Variants in MUC6 observed in about 807,000 individuals in gnomAD.
MUC6 encodes the protein mucin-6.
MUC6 carries 188 observed loss-of-function variants against 201.5 expected under a neutral mutation model. The observed-to-expected ratio is 0.93, with a 90% CI of 0.83 to 1.05. The LOEUF is 1.05. MUC6 is among the 50% of genes least tolerant of loss of function. The pLI is 0.00. For missense variants in MUC6, 2,706 were observed against 3,256.9 expected, an observed-to-expected ratio of 0.83 and a Z score of 4.12; for synonymous variants, 1,228 against 1,389.4, an observed-to-expected ratio of 0.88 and a Z score of 2.58.
In MUC6 at chr11:1,018,777, G is replaced by T. The variant is rs745604846; in HGVS notation, c.4031-7C>A. The T allele has an allele frequency of 7.7e-6, 12 of 1,552,384 alleles. No individual in the cohort carries two copies. Among genetic ancestry groups the T allele is most frequent in the Non-Finnish European group, 9.5e-6 (11 of 1,153,974 alleles). On this transcript the variant is annotated splice_region_variant and splice_polypyrimidine_tract_variant and intron_variant, in intron 30 of 32. Coordinates refer to ENST00000421673, the MANE Select transcript of MUC6 (RefSeq NM_005961.3). ...TCCTGATTGGTCGATTTTGCTGTGG[G>T]AATTGGTGAAGTTGTCATCGTTATT...
chr11:1,032,275 C>T (rs1003069373), intron 2 of MUC6, among the ~76,000 whole-genome samples: 6 of 151,994 alleles, frequency 3.9e-5, no homozygotes, highest in Non-Finnish European at 7.4e-5. Context: ...TGTGGGTACA[C>T]GTATGTGTGT....
At chr11:1,032,859 T>C (rs1857141425) in intron 2 of MUC6, among the ~76,000 whole-genome samples, 154 bp downstream of exon 2, 1 of 151,822 alleles carries the variant, frequency 6.6e-6, no homozygotes, top group African/African-American at 2.4e-5. Context: ...GGTATGTGTG[T>C]GTGTTGGGTG....
chr11:1,033,437 C>T lies in MUC6; in HGVS notation c.53-362G>A, dbSNP rs1036617933. Among the ~76,000 whole-genome samples the T allele has an allele frequency of 2.0e-5, 3 of 152,038 alleles. No homozygotes were observed. The highest frequency in any genetic ancestry group is 2.1e-4 in the South Asian group (1 of 4,830). On this transcript the variant is annotated intron_variant, in intron 1 of 32. Transcript: ENST00000421673. The surrounding 1 kb of genome is among the most constrained non-coding windows in gnomAD (Gnocchi z 5.6). ...GCTGGTGCGGGTGGCAGGGGCTTGG[C>T]GGCGGAGCCAACAAAGTGGGCTGTG...
intron 24 of MUC6, 123 bp from the exon 25 acceptor site, chr11:1,024,226 G>A: frequency 8.5e-7 from 1 of 1,182,404 alleles, no homozygotes. Flanking sequence ...CTGGGACTGG[G>A]TGAGCGGCAC....
intron 29 of MUC6, 119 bp from the exon 30 acceptor site, chr11:1,019,615 C>A: frequency 1.1e-6 from 1 of 878,082 alleles, no homozygotes; most frequent in Non-Finnish European, 1.8e-6. Flanking sequence ...ACTCAGCCTC[C>A]TTGGAGGGGC....
chr11:1,026,920 G>A, intron 19 of MUC6, 21 bp downstream of exon 19: 4 of 1,541,956 alleles, frequency 2.6e-6, no homozygotes, highest in African/African-American at 1.4e-5. Flanking sequence ...CATTGTCCCT[G>A]CTCCTCGCGC....
chr11:1,021,672 A>G (rs1335610529), intron 26 of MUC6, among the ~76,000 whole-genome samples: 1 of 151,476 alleles, frequency 6.6e-6, no homozygotes, highest in Non-Finnish European at 1.5e-5. Flanking sequence ...CCTTGCTCTA[A>G]GCCCCTCCTT....
intron 26 of MUC6, among the ~76,000 whole-genome samples, chr11:1,022,191 C>T (rs1322685460): frequency 2.0e-5 from 3 of 147,854 alleles, no homozygotes; most frequent in Non-Finnish European, 3.0e-5. Flanking sequence ...GCCCCGCGCC[C>T]CTCACTCACT....
chr11:1,025,990 C>G lies in MUC6; in HGVS notation c.2688+10G>C. ...TCCCCGGCCCCTGCGGCCTGGCACC[C>G]GATGGTTACCGTGGCCAGGATGTAC... is the stretch of plus-strand genomic sequence containing the variant. On this transcript the variant is annotated intron_variant, in intron 21 of 32. Transcript: ENST00000421673. The G allele has an allele frequency of 6.3e-7, 1 of 1,586,486 alleles. No homozygotes were observed. The highest frequency in any genetic ancestry group is 8.6e-7 in the Non-Finnish European group (1 of 1,166,896).
rs771684521 is a variant in MUC6 at position 1,030,751 on chromosome 11, C to G, written c.714G>C (p.Leu238=). Residue 238 remains leucine (L), a synonymous_variant, in exon 7 of 33, where the codon CTG becomes CTC. Transcript: ENST00000421673. ...TGGACACGCTGCACTCAGGGGCCAC[C>G]AGGGTCAGCAGCTGGGTGCAGATCC... ...HARICTQLLT[L]VAPECSVSKE... 1.9e-5 allele frequency: 29 copies of G among 1,539,878 alleles called. No individual in the cohort carries two copies. In the South Asian group the frequency reaches 3.1e-4, roughly 16 times the overall value.
chr11:1,030,372 C>A lies in MUC6; in HGVS notation c.893-37G>T, dbSNP rs752887553. ...CGCGGCTCCGGTGAGAGGGTCCCAC[C>A]CCCCCCACCCCTCCCTGCCCCACCC... On this transcript the variant is annotated intron_variant, in intron 7 of 32. Transcript: ENST00000421673. 5 of 1,528,312 alleles carry A rather than the reference C, an allele frequency of 3.3e-6. No individual in the cohort carries two copies. In the South Asian group the frequency reaches 3.6e-5, roughly 11 times the overall value. The allele number at this position is 1,528,312 out of a possible 1,614,324, so 94.7% of individuals were successfully genotyped here.
chr11:1,036,116 C>CA (rs1464505837), intron 1 of MUC6, among the ~76,000 whole-genome samples: 1 of 152,090 alleles, frequency 6.6e-6, no homozygotes, highest in African/African-American at 2.4e-5. Flanking sequence ...CTCTTCCCCC[C>CA]ACGGCGGCCA....
At chr11:1,030,365 G>GGCCCCCCCCCCCCCCCCCCCCCCCCCCC in intron 7 of MUC6, 30 bp from the exon 8 acceptor site, 1 of 1,538,746 alleles carries the variant, frequency 6.5e-7, no homozygotes, top group South Asian at 1.2e-5. Context: ...CGGTGAGAGG[G>GGCCCCCCCCCCCCCCCCCCCCCCCCCCC]TCCCACCCCC....
rs367687194 is a variant in MUC6 at position 1,030,294 on chromosome 11, C to T, written c.934G>A (p.Gly312Ser). 26 of 1,549,284 alleles carry T rather than the reference C, an allele frequency of 1.7e-5. No individual in the cohort carries two copies. Among genetic ancestry groups the T allele is most frequent in the South Asian group, 9.5e-5 (8 of 84,024 alleles). Residue 312 changes from glycine to serine, a missense_variant, in exon 8 of 33, where the codon GGC becomes AGC. Physicochemically the swap from Gly to Ser is moderately conservative, Grantham distance 56 (BLOSUM62 0). This residue lies in a region of MUC6 where 1,850 missense variants were observed against 1,958.3 expected (regional missense o/e 0.94). Transcript: ENST00000421673. Reference protein sequence around the residue: ...CPANQVYQECGSACVKTCSNP... With the variant: ...CPANQVYQECSSACVKTCSNP... ...GAGCAGGTCTTCACGCAGGCCGAGC[C>T]GCACTCCTGGTACACCTGGTTGGCC...
At position 1,032,021 on chromosome 11, in the gene MUC6, C is replaced by A; in HGVS notation, c.148G>T (p.Ala50Ser). The change falls in exon 3 of 33, where the codon GCT becomes TCT. Residue 50 changes from alanine to serine, a missense_variant. By Grantham distance (99) the Ala-to-Ser change is moderately conservative. Coordinates refer to ENST00000421673, the MANE Select transcript of MUC6 (RefSeq NM_005961.3). ...TGGTCGAAGGTGGAGAAGTGACCAG[C>A]CCCCCACGTGGAGCACTGGCCTTTG... ...PDKGQCSTWG[A>S]GHFSTFDHHV... The A allele has an allele frequency of 6.2e-7, 1 of 1,613,394 alleles. No homozygotes were observed. The highest frequency in any genetic ancestry group is 8.5e-7 in the Non-Finnish European group (1 of 1,179,868).
Position 1,030,546 on chromosome 11 carries a change from C to G in MUC6, c.892+27G>C, listed in dbSNP as rs1383945380. On this transcript the variant is annotated intron_variant, in intron 7 of 32. Transcript: ENST00000421673. Reference sequence around the variant, plus strand: ...GGTCTGGAGCCCTCGGCCTTCCTGCCCCTCCCTCTCCCTTCCCTGGACTCA... The same window carrying G: ...GGTCTGGAGCCCTCGGCCTTCCTGCGCCTCCCTCTCCCTTCCCTGGACTCA... 6 of 1,471,444 alleles carry G rather than the reference C, an allele frequency of 4.1e-6. No individual in the cohort carries two copies. In the East Asian group the frequency reaches 1.2e-4, roughly 30 times the overall value. 91.1% of individuals were successfully genotyped at this position (1,471,444 alleles called of 1,614,324 possible). A position where few individuals can be genotyped will look rare whatever the true frequency, so the allele number is the denominator to read the frequency against.
Position 1,027,510 on chromosome 11 carries a change from G to A in MUC6, c.1989C>T (p.Pro663=), listed in dbSNP as rs1856992404. 6.2e-7 allele frequency: 1 copy of A among 1,612,176 alleles called. No homozygotes were observed. Among genetic ancestry groups the A allele is most frequent in the African/African-American group, 1.3e-5 (1 of 74,910 alleles). ...WRSSVDNCTI[P]CTGNTTFSYN... Reference sequence around the variant, plus strand: ...AGCTGAAGGTGGTGTTACCCGTGCAGGGGATGGCTGTGGGGGACCCGGGCA... The same window carrying A: ...AGCTGAAGGTGGTGTTACCCGTGCAAGGGATGGCTGTGGGGGACCCGGGCA... Residue 663 remains proline, a synonymous_variant, in exon 17 of 33, where the codon CCC becomes CCT. Coordinates refer to ENST00000421673, the MANE Select transcript of MUC6 (RefSeq NM_005961.3).
intron 24 of MUC6, 101 bp from the exon 25 acceptor site, chr11:1,024,204 G>A (rs1023561288): frequency 5.1e-6 from 7 of 1,363,190 alleles, no homozygotes; most frequent in Admixed American, 2.0e-5. Flanking sequence ...CCGGAGTGTG[G>A]CGGTAAGGGC....
chr11:1,014,008 G>A lies in MUC6; in HGVS notation c.7040-7C>T. ...TCCCGCACACTGCAGACCCCTGGTA[G>A]CCGAGTGGACGGTCAGCAGCGCCCA... On this transcript the variant is annotated splice_region_variant and splice_polypyrimidine_tract_variant and intron_variant, in intron 31 of 32. Transcript: ENST00000421673. 1 of 1,602,108 alleles carries A rather than the reference G, an allele frequency of 6.2e-7. No homozygotes were observed. Among genetic ancestry groups the A allele is most frequent in the Non-Finnish European group, 8.5e-7 (1 of 1,174,768 alleles).
Sources: gnomAD v4.1 joint callset for allele counts (sites outside exome capture counted in the v4.1 genomes callset) on GRCh38, gnomAD v4.1.1 for gene constraint, gnomAD v4.1.1 regional missense constraint, Gnocchi (gnomAD v3.1) non-coding constraint, MANE v1.5 for transcripts, NCBI Gene and HGNC (gene_info 2026-07-23, HGNC 2026-07-21) for gene names.